The following INPP4A variants were observed in gnomAD, a reference collection of about 807,000 sequenced individuals.
INPP4A encodes the protein inositol polyphosphate-4-phosphatase, type I, 107kD.
INPP4A carries 33 observed loss-of-function variants against 119.8 expected under a neutral mutation model. The observed-to-expected ratio is 0.28, with a 90% CI of 0.21 to 0.37. The LOEUF (loss-of-function observed/expected upper bound fraction) is 0.37, where lower values mean the gene tolerates loss of function less well. Among genes scored for constraint, INPP4A ranks in the 10% least tolerant of loss-of-function variants. The probability of loss-of-function intolerance (pLI) is 1.00; values close to 1 mark genes in which losing one functional copy is unlikely to be tolerated. For missense variants in INPP4A, 956 were observed against 1,289.9 expected (o/e 0.74, Z 3.97); for synonymous variants, 496 against 500.7 (o/e 0.99, Z 0.12).
chr2:98,506,761 C>T (rs1684128415), intron 1 of INPP4A, among the ~76,000 whole-genome samples: 1 of 152,228 alleles, frequency 6.6e-6, no homozygotes, highest in African/African-American at 2.4e-5. Flanking sequence ...ATGGTGGCTG[C>T]TCCTCACAAG....
In INPP4A at chr2:98,538,902, T is replaced by C. The variant is rs2105984387; in HGVS notation, c.591T>C (p.Pro197=). Residue 197 remains proline, a synonymous_variant, in exon 9 of 25, where the codon CCT becomes CCC. Transcript: ENST00000409851. ...VDTVNGRMVL[P]VDESLTEALG... is the part of the protein sequence containing the mutation. ...TTATACATTATCAGATGGTTCTTCC[T>C]GTCGATGAGAGCTTGACGGAGGCGT... is the stretch of plus-strand genomic sequence containing the variant. 6.2e-7 allele frequency: 1 copy of C among 1,604,242 alleles called. No individual in the cohort carries two copies. Among genetic ancestry groups the C allele is most frequent in the South Asian group, 1.1e-5 (1 of 90,334 alleles).
intron 23 of INPP4A, among the ~76,000 whole-genome samples, chr2:98,575,953 G>C (rs1269641334): frequency 2.0e-5 from 3 of 152,154 alleles, no homozygotes; most frequent in African/African-American, 7.2e-5. Context: ...GTACACAGTT[G>C]GTGTTTACTT....
chr2:98,456,000 C>T (rs540031477), intron 1 of INPP4A, among the ~76,000 whole-genome samples: 2 of 152,194 alleles, frequency 1.3e-5, no homozygotes, highest in Admixed American at 6.5e-5. Flanking sequence ...CCTTTGCAGA[C>T]AGTCCCCCAG....
intron 1 of INPP4A, among the ~76,000 whole-genome samples, chr2:98,456,640 A>G (rs1249576141): frequency 6.6e-6 from 1 of 152,160 alleles, no homozygotes; most frequent in Non-Finnish European, 1.5e-5. Flanking sequence ...GTACCCAGCT[A>G]CTTTTACGTT....
At chr2:98,481,391 A>C (rs1678424726) in intron 1 of INPP4A, among the ~76,000 whole-genome samples, 1 of 152,058 alleles carries the variant, frequency 6.6e-6, no homozygotes. Context: ...GGCACGCATA[A>C]ATCGACCACT....
At chr2:98,477,727 C>T (rs917275669) in intron 1 of INPP4A, among the ~76,000 whole-genome samples, 8 of 152,362 alleles carry the variant, frequency 5.3e-5, no homozygotes, top group Middle Eastern at 3.4e-3. Flanking sequence ...CAGAGGCTTT[C>T]TCCCTCTACC....
intron 1 of INPP4A, among the ~76,000 whole-genome samples, chr2:98,453,619 C>T (rs75575109): frequency 7.2e-5 from 11 of 152,136 alleles, no homozygotes; most frequent in South Asian, 2.1e-4. Flanking sequence ...CCTGGGCGTG[C>T]GACCTGTGAC....
At chr2:98,502,652 G>A (rs1210345544) in intron 1 of INPP4A, among the ~76,000 whole-genome samples, 1 of 152,100 alleles carries the variant, frequency 6.6e-6, no homozygotes, top group Non-Finnish European at 1.5e-5. Flanking sequence ...TTTTCACATT[G>A]ATATTCCTAC....
In INPP4A at chr2:98,590,416, G is replaced by C. The variant is rs1700311649; in HGVS notation, c.*2808G>C. On this transcript the variant is annotated 3_prime_UTR_variant, in exon 25 of 25. Transcript: ENST00000409851. ...ATCCTGGTTCTGCCCCTGACTGGCTGGTGACTCTGAGCAAGTTGCTTGACC... is the reference window on the plus strand; with the variant it reads ...ATCCTGGTTCTGCCCCTGACTGGCTCGTGACTCTGAGCAAGTTGCTTGACC... 1 of 187,902 alleles carries C rather than the reference G, an allele frequency of 5.3e-6. No individual in the cohort carries two copies. Among genetic ancestry groups the C allele is most frequent in the South Asian group, 2.0e-4 (1 of 5,120 alleles). The allele number at this position is 187,902 out of a possible 1,614,324, so 11.6% of individuals were successfully genotyped here.
chr2:98,578,588 G>T (rs1465078398), intron 24 of INPP4A, among the ~76,000 whole-genome samples: 1 of 152,242 alleles, frequency 6.6e-6, no homozygotes. Context: ...GAGCCACAGT[G>T]CGATGGCAGG....
At chr2:98,457,978 ATTTT>A (rs766066774) in intron 1 of INPP4A, among the ~76,000 whole-genome samples, 3 of 137,132 alleles carry the variant, frequency 2.2e-5, no homozygotes, top group Non-Finnish European at 4.7e-5. Context: ...TTAAACAAAA[ATTTT>A]TTTTTTTTTT....
chr2:98,552,671 T>C, intron 13 of INPP4A, 115 bp from the exon 14 acceptor site: 1 of 853,298 alleles, frequency 1.2e-6, no homozygotes, highest in Non-Finnish European at 2.0e-6. Flanking sequence ...TGAGAGAACA[T>C]CCCTGAGTCA....
intron 1 of INPP4A, among the ~76,000 whole-genome samples, chr2:98,489,645 C>G (rs983986797): frequency 5.3e-5 from 8 of 152,164 alleles, no homozygotes; most frequent in African/African-American, 1.9e-4. Flanking sequence ...TATGACAGTC[C>G]CATTCTGAGG....
At chr2:98,578,828 G>C (rs928934694) in intron 24 of INPP4A, among the ~76,000 whole-genome samples, 4 of 152,342 alleles carry the variant, frequency 2.6e-5, no homozygotes, top group African/African-American at 7.2e-5. Flanking sequence ...GAATCCCCCA[G>C]TTTCCTAATG....
intron 1 of INPP4A, among the ~76,000 whole-genome samples, chr2:98,508,354 G>C (rs3769717): frequency 1.3e-5 from 2 of 152,078 alleles, no homozygotes; most frequent in Non-Finnish European, 2.9e-5. Context: ...CTGCACTCCC[G>C]CCTCCACCAT....
chr2:98,565,033 A>T (rs985429688), intron 19 of INPP4A, among the ~76,000 whole-genome samples: 1 of 152,248 alleles, frequency 6.6e-6, no homozygotes, highest in Non-Finnish European at 1.5e-5. Flanking sequence ...CAGCAGTGAC[A>T]TCTGTGCATG....
intron 1 of INPP4A, among the ~76,000 whole-genome samples, chr2:98,448,538 G>A (rs1175535452): frequency 6.6e-6 from 1 of 151,922 alleles, no homozygotes; most frequent in Non-Finnish European, 1.5e-5. Flanking sequence ...AAGTTACCAC[G>A]TCTTTCTTTT....
chr2:98,475,759 G>A (rs1677074589), intron 1 of INPP4A, among the ~76,000 whole-genome samples: 1 of 152,158 alleles, frequency 6.6e-6, no homozygotes, highest in South Asian at 2.1e-4. Flanking sequence ...ACCTGGGGTG[G>A]GGGCTTTGGG....
chr2:98,454,997 G>A (rs2104520672), intron 1 of INPP4A, among the ~76,000 whole-genome samples: 1 of 152,258 alleles, frequency 6.6e-6, no homozygotes, highest in African/African-American at 2.4e-5. Context: ...CAATACAGTG[G>A]TATGTTTGAC....
Sources: allele counts gnomAD v4.1 joint callset (sites outside exome capture counted in the v4.1 genomes callset), GRCh38; gene constraint gnomAD v4.1.1; transcripts MANE v1.5; gene names NCBI Gene and HGNC (gene_info 2026-07-23, HGNC 2026-07-21).